The following ANKRD17 variants were observed in gnomAD, a reference collection of about 807,000 sequenced individuals.
ANKRD17 encodes ankyrin repeat domain-containing protein 17.
Under a neutral mutation model 229.7 loss-of-function variants are expected in ANKRD17, and 19 were observed. That is an observed-to-expected ratio of 0.08 (90% CI 0.06 to 0.12). ANKRD17 has a LOEUF of 0.12. ANKRD17 is among the 10% of genes least tolerant of loss of function. The pLI is 1.00. For synonymous variants in ANKRD17, 1,112 were observed against 1,146.1 expected, an observed-to-expected ratio of 0.97 and a Z score of 0.60; for missense variants, 2,176 against 3,176.8, an observed-to-expected ratio of 0.68 and a Z score of 7.57.
intron 1 of ANKRD17, among the ~76,000 whole-genome samples, chr4:73,257,259 C>T (rs1745531863): frequency 6.6e-6 from 1 of 152,208 alleles, no homozygotes; most frequent in African/African-American, 2.4e-5. Flanking sequence ...ACTAGTAAAG[C>T]TAACTCTCAG....
chr4:73,101,034 G>A (rs1373808483), intron 25 of ANKRD17: 5 of 940,244 alleles, frequency 5.3e-6, no homozygotes, highest in Middle Eastern at 5.4e-4. Context: ...TAGCATTTGC[G>A]TTAGGTATTA....
intron 1 of ANKRD17, among the ~76,000 whole-genome samples, chr4:73,211,192 T>C (rs1740206485): frequency 1.3e-5 from 2 of 152,006 alleles, no homozygotes; most frequent in Non-Finnish European, 2.9e-5. Flanking sequence ...CAGAAAATAG[T>C]AGGAGCTAAA....
chr4:73,222,653 C>G (rs1471754368), intron 1 of ANKRD17, among the ~76,000 whole-genome samples: 1 of 152,152 alleles, frequency 6.6e-6, no homozygotes, highest in East Asian at 1.9e-4. Flanking sequence ...TTTGCAGACC[C>G]CACCTTCTAA....
At chr4:73,151,329 A>C in intron 7 of ANKRD17, 101 bp downstream of exon 7, 1 of 1,037,078 alleles carries the variant, frequency 9.6e-7, no homozygotes, top group South Asian at 1.5e-5. Context: ...AGGTTCTGAC[A>C]AACAGAATCA....
At chr4:73,254,698 G>A (rs533334576) in intron 1 of ANKRD17, among the ~76,000 whole-genome samples, 1 of 151,812 alleles carries the variant, frequency 6.6e-6, no homozygotes, top group African/African-American at 2.4e-5. Flanking sequence ...AACCCGGGAG[G>A]TGGAAGTTGC....
chr4:73,127,692 A>G (rs1390202826), intron 16 of ANKRD17, among the ~76,000 whole-genome samples: 1 of 152,234 alleles, frequency 6.6e-6, no homozygotes, highest in African/African-American at 2.4e-5. Context: ...GAATGGCAAT[A>G]GCTGCAAAAG....
rs1169850292 is a variant in ANKRD17 at position 73,086,935 on chromosome 4, T to A, written c.6962-1489A>T. Among the ~76,000 whole-genome samples, 40 of 74,304 alleles carry A rather than the reference T, an allele frequency of 5.4e-4. 1 individual carries two copies. Among genetic ancestry groups the A allele is most frequent in the South Asian group, 2.2e-3 (4 of 1,850 alleles). 48.7% of individuals were successfully genotyped at this position (74,304 alleles called of 152,430 possible). A position where few individuals can be genotyped will look rare whatever the true frequency, so the allele number is the denominator to read the frequency against. On this transcript the variant is annotated intron_variant, in intron 29 of 33. Coordinates refer to ENST00000358602, the MANE Select transcript of ANKRD17 (RefSeq NM_032217.5). The stretch of plus-strand genomic sequence containing the variant: ...AAAAAAAAAAATATATATATATATA[T>A]ATATATATATATATATATCTGTAGG...
chr4:73,250,672 A>T (rs1408030444), intron 1 of ANKRD17, among the ~76,000 whole-genome samples: 1 of 149,244 alleles, frequency 6.7e-6, no homozygotes, highest in African/African-American at 2.5e-5. Context: ...GGAATTCCTC[A>T]AGTACTGTAA....
At chr4:73,225,972 G>GT (rs1560758937) in intron 1 of ANKRD17, among the ~76,000 whole-genome samples, 2 of 121,524 alleles carry the variant, frequency 1.6e-5, no homozygotes, top group Non-Finnish European at 3.3e-5. Context: ...AGGCTCTTAA[G>GT]CTTTTTTTTT....
chr4:73,244,071 C>T (rs1386199754), intron 1 of ANKRD17, among the ~76,000 whole-genome samples: 1 of 152,088 alleles, frequency 6.6e-6, no homozygotes, highest in Non-Finnish European at 1.5e-5. Context: ...TGTATCCCCA[C>T]ATGGCCTTTT....
At chr4:73,134,811 TTTA>T (rs1728683058) in intron 16 of ANKRD17, among the ~76,000 whole-genome samples, 1 of 152,154 alleles carries the variant, frequency 6.6e-6, no homozygotes, top group Non-Finnish European at 1.5e-5. Context: ...CTTCTATTAA[TTTA>T]TTATTAGAAG....
chr4:73,221,507 T>C (rs1741850377), intron 1 of ANKRD17, among the ~76,000 whole-genome samples: 1 of 152,172 alleles, frequency 6.6e-6, no homozygotes, highest in Non-Finnish European at 1.5e-5. Flanking sequence ...AGCACACTTC[T>C]TTAAAATCCA....
intron 2 of ANKRD17, among the ~76,000 whole-genome samples, chr4:73,164,898 A>G (rs1187660886): frequency 1.3e-5 from 2 of 150,232 alleles, no homozygotes; most frequent in Non-Finnish European, 3.0e-5. Context: ...GGGCACATTA[A>G]AATATTATTT....
intron 1 of ANKRD17, among the ~76,000 whole-genome samples, chr4:73,254,113 C>T (rs1047571556): frequency 2.6e-5 from 4 of 152,082 alleles, no homozygotes; most frequent in African/African-American, 4.8e-5. Context: ...ATCTAGGATT[C>T]TAAGCATTAC....
intron 18 of ANKRD17, among the ~76,000 whole-genome samples, chr4:73,123,567 A>G (rs563211983): frequency 1.2e-4 from 19 of 152,212 alleles, no homozygotes; most frequent in African/African-American, 4.3e-4. Context: ...AACAAAAATT[A>G]TGGAAAAAAA....
chr4:73,129,143 G>GT (rs1201346099), intron 16 of ANKRD17, among the ~76,000 whole-genome samples: 1 of 152,084 alleles, frequency 6.6e-6, no homozygotes, highest in South Asian at 2.1e-4. Flanking sequence ...GCTCATTCAG[G>GT]TTTCTATTCT....
At chr4:73,231,494 T>C (rs926652728) in intron 1 of ANKRD17, among the ~76,000 whole-genome samples, 1 of 152,182 alleles carries the variant, frequency 6.6e-6, no homozygotes, top group Non-Finnish European at 1.5e-5. Flanking sequence ...CTTGAATGGT[T>C]TGCCTGCAAG....
intron 1 of ANKRD17, among the ~76,000 whole-genome samples, chr4:73,242,370 T>C (rs1361194540): frequency 2.0e-5 from 3 of 152,118 alleles, no homozygotes; most frequent in Non-Finnish European, 4.4e-5. Context: ...CCATACATGA[T>C]AGCAGGAAGA....
In ANKRD17 at chr4:73,258,706, C is replaced by T; in HGVS notation, c.-38G>A. Reference sequence around the variant, plus strand: ...AGGGAGGGCGCGGACGGGGGAGGGGCGTGGGGCTACGCTCTACCGCGACTT... The same window carrying T: ...AGGGAGGGCGCGGACGGGGGAGGGGTGTGGGGCTACGCTCTACCGCGACTT... On this transcript the variant is annotated 5_prime_UTR_variant, in exon 1 of 34. Coordinates refer to ENST00000358602, the MANE Select transcript of ANKRD17 (RefSeq NM_032217.5). 1 of 1,421,074 alleles carries T rather than the reference C, an allele frequency of 7.0e-7. No individual in the cohort carries two copies. Among genetic ancestry groups the T allele is most frequent in the Non-Finnish European group, 9.1e-7 (1 of 1,099,584 alleles). The allele number at this position is 1,421,074 out of a possible 1,614,324, so 88.0% of individuals were successfully genotyped here. A position where few individuals can be genotyped will look rare whatever the true frequency, so the allele number is the denominator to read the frequency against.
Sources: allele counts gnomAD v4.1 joint callset (sites outside exome capture counted in the v4.1 genomes callset), GRCh38; gene constraint gnomAD v4.1.1; transcripts MANE v1.5; gene names NCBI Gene and HGNC (gene_info 2026-07-23, HGNC 2026-07-21).